The following CNTN4 variants were observed in gnomAD, a reference collection of about 807,000 sequenced individuals.
The protein encoded by CNTN4 is contactin-4.
CNTN4 carries 77 observed loss-of-function variants against 122.5 expected under a neutral mutation model. The observed-to-expected ratio is 0.63, with a 90% CI of 0.52 to 0.76. The LOEUF (loss-of-function observed/expected upper bound fraction) is 0.76. Among genes scored for constraint, CNTN4 ranks in the 30% least tolerant of loss-of-function variants. The pLI is 0.00. For missense variants in CNTN4, 1,256 were observed against 1,259.1 expected, an observed-to-expected ratio of 1.00 and a Z score of 0.04; for synonymous variants, 512 against 447.0, an observed-to-expected ratio of 1.15 and a Z score of -1.83.
At chr3:2,102,808 A>T (rs1342134987) in intron 2 of CNTN4, among the ~76,000 whole-genome samples, 1 of 152,200 alleles carries the variant, frequency 6.6e-6, no homozygotes, top group Non-Finnish European at 1.5e-5. Flanking sequence ...GTTATCCAGG[A>T]AGTAGAAGAA....
At chr3:2,328,253 A>G (rs1422461605) in intron 2 of CNTN4, among the ~76,000 whole-genome samples, 5 of 151,512 alleles carry the variant, frequency 3.3e-5, no homozygotes, top group South Asian at 2.1e-4. Context: ...AAAATACAAA[A>G]AAATTAGCCG....
chr3:2,144,419 G>C (rs990766836), intron 2 of CNTN4, among the ~76,000 whole-genome samples: 27 of 152,278 alleles, frequency 1.8e-4, no homozygotes, highest in African/African-American at 6.5e-4. Context: ...CTACCTTACG[G>C]GATTTTCATA....
intron 4 of CNTN4, among the ~76,000 whole-genome samples, chr3:2,672,789 A>G (rs938578693): frequency 1.1e-4 from 16 of 152,186 alleles, no homozygotes; most frequent in African/African-American, 3.6e-4. Context: ...CAGGACCCTT[A>G]ATTGGTTTTT....
Position 2,440,883 on chromosome 3 carries a change from A to G in CNTN4, c.-89+101650A>G, listed in dbSNP as rs61008822. Among the ~76,000 whole-genome samples, 223 of 139,706 alleles carry G rather than the reference A, an allele frequency of 1.6e-3. 1 individual carries two copies. Among genetic ancestry groups the G allele is most frequent in the African/African-American group, 6.1e-3 (206 of 33,844 alleles). The allele number at this position is 139,706 out of a possible 152,430, so 91.7% of individuals were successfully genotyped here. ...ATATCTAACATATATGTATATATGT[A>G]TATATATATACATGTATATAACAAA... On this transcript the variant is annotated intron_variant, in intron 3 of 24. Coordinates refer to ENST00000418658, the MANE Select transcript of CNTN4 (RefSeq NM_175607.3).
chr3:2,599,341 G>C (rs1334030301), intron 4 of CNTN4, among the ~76,000 whole-genome samples: 1 of 152,212 alleles, frequency 6.6e-6, no homozygotes, highest in African/African-American at 2.4e-5. Context: ...TTTAAAACTA[G>C]TATATCTGAA....
intron 9 of CNTN4, among the ~76,000 whole-genome samples, chr3:2,884,047 A>G (rs2093941663): frequency 6.6e-6 from 1 of 152,110 alleles, no homozygotes. Context: ...CGAATCCATT[A>G]CTAACTCTCT....
intron 2 of CNTN4, among the ~76,000 whole-genome samples, chr3:2,106,067 A>G (rs2032414755): frequency 6.6e-6 from 1 of 152,200 alleles, no homozygotes; most frequent in Non-Finnish European, 1.5e-5. Context: ...TCTATGTCTC[A>G]AGTTCAGGTC....
intron 4 of CNTN4, among the ~76,000 whole-genome samples, chr3:2,634,078 C>T (rs140192782): frequency 1.3e-5 from 2 of 152,086 alleles, no homozygotes; most frequent in Non-Finnish European, 2.9e-5. Context: ...CATGTAAATT[C>T]ATTAGTAACT....
At chr3:2,586,675 C>A (rs1262356263) in intron 4 of CNTN4, among the ~76,000 whole-genome samples, 1 of 152,190 alleles carries the variant, frequency 6.6e-6, no homozygotes, top group Non-Finnish European at 1.5e-5. Context: ...CAGTCTAGTC[C>A]TTCAATAGCT....
At chr3:2,661,303 C>A (rs913429843) in intron 4 of CNTN4, among the ~76,000 whole-genome samples, 9 of 152,210 alleles carry the variant, frequency 5.9e-5, no homozygotes, top group Middle Eastern at 6.8e-3. Context: ...ATGAGTATTC[C>A]AGAAAGTCAT....
intron 6 of CNTN4, among the ~76,000 whole-genome samples, chr3:2,746,608 G>T (rs2089781711): frequency 2.0e-5 from 3 of 152,206 alleles, no homozygotes; most frequent in Admixed American, 6.5e-5. Context: ...TTAGCCAAAG[G>T]TTTCATAAAG....
At chr3:2,461,818 T>C (rs2049221917) in intron 3 of CNTN4, among the ~76,000 whole-genome samples, 2 of 152,214 alleles carry the variant, frequency 1.3e-5, no homozygotes, top group African/African-American at 4.8e-5. Flanking sequence ...CCATTTCACT[T>C]AGAGGCAAAC....
chr3:2,285,607 C>T (rs1417539799), intron 2 of CNTN4, among the ~76,000 whole-genome samples: 1 of 152,002 alleles, frequency 6.6e-6, no homozygotes, highest in Non-Finnish European at 1.5e-5. Flanking sequence ...CGTTTCTTCT[C>T]CTACCCCTTA....
At chr3:2,626,888 T>C (rs2082210693) in intron 4 of CNTN4, among the ~76,000 whole-genome samples, 1 of 152,236 alleles carries the variant, frequency 6.6e-6, no homozygotes, top group East Asian at 1.9e-4. Context: ...TTCTCACATT[T>C]ACCACATCAC....
chr3:2,905,410 T>C (rs2094218682), intron 12 of CNTN4, among the ~76,000 whole-genome samples: 2 of 152,212 alleles, frequency 1.3e-5, no homozygotes, highest in Non-Finnish European at 2.9e-5. Flanking sequence ...ACTGCCAACC[T>C]CTCACTGTGT....
intron 2 of CNTN4, among the ~76,000 whole-genome samples, chr3:2,271,248 A>G (rs906372220): frequency 6.6e-6 from 1 of 152,122 alleles, no homozygotes; most frequent in Non-Finnish European, 1.5e-5. Flanking sequence ...CATAAAGATC[A>G]TTTTGTTATT....
chr3:2,624,501 A>G (rs575364390), intron 4 of CNTN4, among the ~76,000 whole-genome samples: 4 of 152,162 alleles, frequency 2.6e-5, no homozygotes, highest in African/African-American at 9.6e-5. Context: ...GCCTGTCAAC[A>G]TGAGACCATG....
intron 4 of CNTN4, among the ~76,000 whole-genome samples, chr3:2,725,532 C>T (rs570337141): frequency 2.6e-5 from 4 of 152,302 alleles, no homozygotes; most frequent in Non-Finnish European, 1.5e-5. Flanking sequence ...ATCTAACAGT[C>T]TCCAGAATGA....
intron 2 of CNTN4, among the ~76,000 whole-genome samples, chr3:2,257,723 C>T (rs2040657185): frequency 6.6e-6 from 1 of 152,110 alleles, no homozygotes; most frequent in Non-Finnish European, 1.5e-5. Flanking sequence ...AAATCAAAAC[C>T]ACAATGAGAT....
Sources: allele counts gnomAD v4.1 joint callset (sites outside exome capture counted in the v4.1 genomes callset), GRCh38; gene constraint gnomAD v4.1.1; transcripts MANE v1.5; gene names NCBI Gene and HGNC (gene_info 2026-07-23, HGNC 2026-07-21).